Variants in SERF2 observed in about 807,000 individuals in gnomAD.
The protein encoded by SERF2 is small EDRK-rich factor 2.
Under a neutral mutation model 10.7 loss-of-function variants are expected in SERF2, and 4 were observed. The ratio of observed to expected loss-of-function variants is 0.37; its 90% CI spans 0.18 to 0.86. The LOEUF is 0.86. SERF2 is among the 40% of genes least tolerant of loss of function. The pLI, the probability that SERF2 is intolerant of heterozygous loss-of-function variation, is 0.43. For synonymous variants in SERF2, 26 were observed against 26.0 expected, an observed-to-expected ratio of 1.00 and a Z score of 0.01; for missense variants, 47 against 79.1, an observed-to-expected ratio of 0.59 and a Z score of 1.54.
chr15:43,788,316 C>T (rs1463368333), upstream of SERF2, among the ~76,000 whole-genome samples: 1 of 152,066 alleles, frequency 6.6e-6, no homozygotes, highest in East Asian at 1.9e-4. Flanking sequence ...AACCTGGAGA[C>T]AGGGTTTCAC....
Position 43,795,275 on chromosome 15 carries a change from C to A in SERF2, c.*1502C>A. 1 of 1,592,122 alleles carries A rather than the reference C, an allele frequency of 6.3e-7. No individual in the cohort carries two copies. Among genetic ancestry groups the A allele is most frequent in the Non-Finnish European group, 8.6e-7 (1 of 1,160,848 alleles). On this transcript the variant is annotated 3_prime_UTR_variant, in exon 3 of 3. Coordinates refer to ENST00000249786, the MANE Select transcript of SERF2 (RefSeq NM_001018108.4). Reference sequence around the variant, plus strand: ...GGCCTTAGCTTTTAGACCTGTTCTACCTCCTCACCAAATATAATGGCAGAC... The same window carrying A: ...GGCCTTAGCTTTTAGACCTGTTCTAACTCCTCACCAAATATAATGGCAGAC...
intron 1 of SERF2, 150 bp downstream of exon 1, chr15:43,792,533 A>C: frequency 6.6e-7 from 1 of 1,519,820 alleles, no homozygotes; most frequent in Non-Finnish European, 8.8e-7. Context: ...GGTGCCCGGA[A>C]ATCGAGCCCT....
At chr15:43,781,951 C>T (rs113766256) in intron 1 of SERF2, among the ~76,000 whole-genome samples, 1,601 of 150,920 alleles carry the variant, frequency 0.011, 23 homozygotes, top group African/African-American at 0.037. Context: ...TGCAGTGGTG[C>T]GATCTCAGCT....
rs1416952617 is a variant in SERF2, at chr15:43,795,442, A to C, written c.*1669A>C. The stretch of plus-strand genomic sequence containing the variant: ...ATAGAGTGAGGCAAGGAAGAAGACG[A>C]AGTGGAAGGCAGAATAGTTGTAGGA... On this transcript the variant is annotated 3_prime_UTR_variant, in exon 3 of 3. Transcript: ENST00000249786. 1 of 1,614,200 alleles carries C rather than the reference A, an allele frequency of 6.2e-7. No homozygotes were observed. The highest frequency in any genetic ancestry group is 8.5e-7 in the Non-Finnish European group (1 of 1,180,042).
Position 43,795,737 on chromosome 15 carries a change from C to T in SERF2, c.*1964C>T, listed in dbSNP as rs199617532. On this transcript the variant is annotated 3_prime_UTR_variant, in exon 3 of 3. Transcript: ENST00000249786. ...GGCAGCAGAAACACAGTGAGGGCTT[C>T]TGCAAAACAGAACGCAGGTTTTGGA... 108 of 1,613,734 alleles carry T rather than the reference C, an allele frequency of 6.7e-5. No individual in the cohort carries two copies. The East Asian group carries it at 1.1e-3, about 16-fold the overall frequency.
chr15:43,792,935 G>C (rs1178724148), intron 1 of SERF2, 40 bp from the exon 2 acceptor site: 1 of 1,444,150 alleles, frequency 6.9e-7, no homozygotes. Flanking sequence ...TGTGTGGGCA[G>C]AGCGGCCCCC....
chr15:43,786,923 C>A (rs1397256698), intron 2 of SERF2, among the ~76,000 whole-genome samples: 1 of 152,128 alleles, frequency 6.6e-6, no homozygotes, highest in Non-Finnish European at 1.5e-5. Flanking sequence ...CTAATTTAGG[C>A]CACATGCTCA....
At chr15:43,786,301 G>A (rs2087006535) in intron 2 of SERF2, among the ~76,000 whole-genome samples, 1 of 151,190 alleles carries the variant, frequency 6.6e-6, no homozygotes, top group African/African-American at 2.4e-5. Context: ...TGTAGTCCCA[G>A]CTACTTGGGA....
rs1170663526 is a variant in SERF2 at position 43,793,879 on chromosome 15, T to A, written c.*106T>A. The A allele has an allele frequency of 6.2e-7, 1 of 1,607,742 alleles. No individual in the cohort carries two copies. Among genetic ancestry groups the A allele is most frequent in the Non-Finnish European group, 8.5e-7 (1 of 1,176,848 alleles). On this transcript the variant is annotated 3_prime_UTR_variant, in exon 3 of 3. Transcript: ENST00000249786. ...TAGTGCTCACAGGTCCCAGCACCGA[T>A]GGCATTCCCTTTGCCCTGAGTCTGC...
In SERF2 at chr15:43,794,375, T is replaced by A. The variant is rs899407933; in HGVS notation, c.*602T>A. The A allele has an allele frequency of 5.9e-6, 1 of 170,524 alleles. No homozygotes were observed. The highest frequency in any genetic ancestry group is 1.3e-5 in the Non-Finnish European group (1 of 79,640). 10.6% of individuals were successfully genotyped at this position (170,524 alleles called of 1,614,324 possible). ...CCTCTTTTCCTCATTCTTCCTCAGT[T>A]TGTTCGTCTGCTTGAAAGTTGGCCA... On this transcript the variant is annotated 3_prime_UTR_variant, in exon 3 of 3. Transcript: ENST00000249786.
rs771216898 is a variant in SERF2, at chr15:43,795,057, G to A, written c.*1284G>A. 1.4e-5 allele frequency: 23 copies of A among 1,612,254 alleles called. No homozygotes were observed. The highest frequency in any genetic ancestry group is 1.9e-5 in the Non-Finnish European group (22 of 1,179,328). ...TGATGCGGTGGCGGCGGCGCCTCAA[G>A]ATAAGGGGCTGGGGTTTCTGGGTGG... On this transcript the variant is annotated 3_prime_UTR_variant, in exon 3 of 3. Transcript: ENST00000249786.
intron 1 of SERF2, chr15:43,778,199 G>C (rs1242527082): frequency 6.6e-6 from 1 of 151,938 alleles, no homozygotes; most frequent in African/African-American, 2.4e-5. Flanking sequence ...TCCTGACCTC[G>C]TGATCCACCC....
In SERF2 at chr15:43,795,733, G is replaced by A. The variant is rs1441971710; in HGVS notation, c.*1960G>A. 3 of 1,613,760 alleles carry A rather than the reference G, an allele frequency of 1.9e-6. No individual in the cohort carries two copies. The highest frequency in any genetic ancestry group is 2.2e-5 in the East Asian group (1 of 44,898). On this transcript the variant is annotated 3_prime_UTR_variant, in exon 3 of 3. Coordinates refer to ENST00000249786, the MANE Select transcript of SERF2 (RefSeq NM_001018108.4). ...TCAGGGCAGCAGAAACACAGTGAGG[G>A]CTTCTGCAAAACAGAACGCAGGTTT...
intron 2 of SERF2, among the ~76,000 whole-genome samples, chr15:43,786,478 T>G (rs1294570265): frequency 2.0e-5 from 3 of 151,986 alleles, no homozygotes; most frequent in Non-Finnish European, 2.9e-5. Flanking sequence ...GCCTACACTT[T>G]AAGATAATCT....
chr15:43,792,033 T>C, upstream of SERF2: 1 of 477,770 alleles, frequency 2.1e-6, no homozygotes, highest in Non-Finnish European at 3.9e-6. Flanking sequence ...CACGGTCACG[T>C]GCTCGAGCCC....
In SERF2 at chr15:43,795,656, C is replaced by T. The variant is rs759897948; in HGVS notation, c.*1883C>T. The T allele has an allele frequency of 4.1e-5, 66 of 1,609,830 alleles. No homozygotes were observed. The highest frequency in any genetic ancestry group is 5.4e-5 in the Non-Finnish European group (64 of 1,178,094). On this transcript the variant is annotated 3_prime_UTR_variant, in exon 3 of 3. Transcript: ENST00000249786. ...TCTTATGGCACTCCACAGAGATCTA[C>T]CACTTCTTATGGTTCCTCACTTGGC...
intron 1 of SERF2, 76 bp downstream of exon 1, chr15:43,792,459 G>A: frequency 6.2e-7 from 1 of 1,612,420 alleles, no homozygotes; most frequent in South Asian, 1.1e-5. Context: ...CGCCGGCTTT[G>A]ACCTTCCGTA....
upstream of SERF2, chr15:43,792,167 G>A: frequency 3.6e-6 from 2 of 549,060 alleles, no homozygotes; most frequent in Non-Finnish European, 6.7e-6. Flanking sequence ...TGAGCGCTCC[G>A]CCTGCGACCC....
intron 2 of SERF2, 116 bp from the exon 3 acceptor site, chr15:43,793,594 A>C: frequency 6.3e-7 from 1 of 1,585,924 alleles, no homozygotes; most frequent in Non-Finnish European, 8.6e-7. Flanking sequence ...TACAGCAGCC[A>C]AACGCTGAAC....
Sources: gnomAD v4.1 joint callset for allele counts (sites outside exome capture counted in the v4.1 genomes callset) on GRCh38, gnomAD v4.1.1 for gene constraint, MANE v1.5 for transcripts, NCBI Gene and HGNC (gene_info 2026-07-23, HGNC 2026-07-21) for gene names.